Variants in SESTD1 observed in about 807,000 individuals in gnomAD.
SESTD1 encodes the protein SEC14 and spectrin domain containing 1.
A neutral mutation model predicts 101.7 loss-of-function variants in SESTD1; 43 were observed. The observed-to-expected ratio is 0.42, with a 90% confidence interval of 0.33 to 0.55. The LOEUF is 0.55. Ranked by LOEUF, SESTD1 falls within the 20% of genes least tolerant of loss-of-function variation. The pLI, the probability that SESTD1 is intolerant of heterozygous loss-of-function variation, is 0.07. For synonymous variants in SESTD1, 283 were observed against 286.8 expected (o/e 0.99, Z 0.13); for missense variants, 647 against 815.1 (o/e 0.79, Z 2.51).
rs184749889 is a variant in SESTD1 at position 179,105,713 on chromosome 2, T to C, written c.*4186A>G. The C allele has an allele frequency of 1.3e-5, 2 of 152,338 alleles. No individual in the cohort carries two copies. Among genetic ancestry groups the C allele is most frequent in the African/African-American group, 4.8e-5 (2 of 41,584 alleles). The allele number at this position is 152,338 out of a possible 1,614,324, so 9.4% of individuals were successfully genotyped here. On this transcript the variant is annotated 3_prime_UTR_variant, in exon 18 of 18. Coordinates refer to ENST00000428443, the MANE Select transcript of SESTD1 (RefSeq NM_178123.5). ...CTGGATATTTTGGCTTCAACAATTC[T>C]TTATATCATATTTTATTCTTGAAAT...
chr2:179,239,298 T>G (rs770474917), intron 1 of SESTD1, among the ~76,000 whole-genome samples: 2 of 152,174 alleles, frequency 1.3e-5, no homozygotes, highest in Non-Finnish European at 2.9e-5. Flanking sequence ...CTACAGAAAT[T>G]TAATTACTGC....
chr2:179,233,326 T>C (rs879717756), intron 1 of SESTD1, among the ~76,000 whole-genome samples: 3 of 152,202 alleles, frequency 2.0e-5, no homozygotes, highest in African/African-American at 4.8e-5. Flanking sequence ...GTAAATATAC[T>C]GTGAACAACA....
In SESTD1 at chr2:179,105,629, C is replaced by T. The variant is rs547504108; in HGVS notation, c.*4270G>A. On this transcript the variant is annotated 3_prime_UTR_variant, in exon 18 of 18. Coordinates refer to ENST00000428443, the MANE Select transcript of SESTD1 (RefSeq NM_178123.5). ...GAGACAACAGAAAGGATAAAGAATA[C>T]TCTATTTTTTATTCTGAAAAGATAA... 4 of 152,270 alleles carry T rather than the reference C, an allele frequency of 2.6e-5. No individual in the cohort carries two copies. The South Asian group carries it at 8.3e-4, about 32-fold the overall frequency. 9.4% of individuals were successfully genotyped at this position (152,270 alleles called of 1,614,324 possible).
At chr2:179,115,861 A>G (rs1225544012) in intron 15 of SESTD1, among the ~76,000 whole-genome samples, 2 of 152,192 alleles carry the variant, frequency 1.3e-5, no homozygotes, top group African/African-American at 4.8e-5. Flanking sequence ...CACTGGCCAG[A>G]AAGAATGTCT....
At chr2:179,164,636 G>A (rs2045802575) in intron 5 of SESTD1, among the ~76,000 whole-genome samples, 1 of 152,152 alleles carries the variant, frequency 6.6e-6, no homozygotes, top group African/African-American at 2.4e-5. Context: ...GTCAGAGATA[G>A]GAAGGATATA....
At chr2:179,220,996 T>C (rs1053302429) in intron 1 of SESTD1, among the ~76,000 whole-genome samples, 13 of 152,172 alleles carry the variant, frequency 8.5e-5, no homozygotes, top group African/African-American at 2.9e-4. Context: ...CAAATTAATT[T>C]TTAGTGCCCA....
intron 1 of SESTD1, among the ~76,000 whole-genome samples, chr2:179,233,974 T>A (rs1324062427): frequency 6.6e-6 from 1 of 152,198 alleles, no homozygotes; most frequent in East Asian, 1.9e-4. Flanking sequence ...TGTGTCCAGG[T>A]ATTTGGTTAA....
chr2:179,247,600 A>ATTTTTTT (rs67407067), intron 1 of SESTD1, among the ~76,000 whole-genome samples: 1 of 149,108 alleles, frequency 6.7e-6, no homozygotes. Flanking sequence ...AATTTGTTAA[A>ATTTTTTT]TTTTTTTTTT....
intron 1 of SESTD1, among the ~76,000 whole-genome samples, chr2:179,226,067 T>C (rs1452608519): frequency 6.6e-6 from 1 of 152,208 alleles, no homozygotes; most frequent in East Asian, 1.9e-4. Flanking sequence ...AAAAGGTCCA[T>C]AAAAATTTAG....
intron 13 of SESTD1, among the ~76,000 whole-genome samples, chr2:179,118,839 T>C (rs181975707): frequency 1.7e-3 from 258 of 152,248 alleles, no homozygotes; most frequent in South Asian, 0.016. Flanking sequence ...ATTTAAAATG[T>C]TTTATGAGAG....
At chr2:179,151,949 T>G (rs1021692541) in intron 5 of SESTD1, among the ~76,000 whole-genome samples, 1 of 152,058 alleles carries the variant, frequency 6.6e-6, no homozygotes, top group Non-Finnish European at 1.5e-5. Context: ...AACGTACATA[T>G]TAAAATGCTA....
At chr2:179,183,542 T>C (rs1418345956) in intron 2 of SESTD1, among the ~76,000 whole-genome samples, 1 of 152,044 alleles carries the variant, frequency 6.6e-6, no homozygotes, top group African/African-American at 2.4e-5. Flanking sequence ...CCAATCAACC[T>C]AGGAAGAAAA....
rs1559088807 is a variant in SESTD1 at position 179,103,898 on chromosome 2, T to C, written c.*6001A>G. On this transcript the variant is annotated 3_prime_UTR_variant, in exon 18 of 18. Coordinates refer to ENST00000428443, the MANE Select transcript of SESTD1 (RefSeq NM_178123.5). ...TAATTTTATGTAAAAAAGCCAACAA[T>C]GAACTCTAGTTAATGATATGCAATT... The C allele has an allele frequency of 6.6e-6, 1 of 152,132 alleles. No individual in the cohort carries two copies. Among genetic ancestry groups the C allele is most frequent in the Non-Finnish European group, 1.5e-5 (1 of 68,010 alleles). The allele number at this position is 152,132 out of a possible 1,614,324, so 9.4% of individuals were successfully genotyped here.
At chr2:179,149,258 G>T (rs1342206271) in intron 7 of SESTD1, 39 bp downstream of exon 7, 2 of 1,395,260 alleles carry the variant, frequency 1.4e-6, no homozygotes, top group Non-Finnish European at 2.0e-6. Flanking sequence ...AATAATTATA[G>T]TTTTGCAAGG....
chr2:179,244,222 C>G (rs2047196846), intron 1 of SESTD1, among the ~76,000 whole-genome samples: 1 of 151,946 alleles, frequency 6.6e-6, no homozygotes, highest in African/African-American at 2.4e-5. Context: ...TTTGTGAGGC[C>G]AAGGCAGGTG....
Position 179,197,656 on chromosome 2 carries a change from A to G in SESTD1, c.-25-5790T>C, listed in dbSNP as rs552684749. 1.6e-3 allele frequency among the ~76,000 whole-genome samples: 247 copies of G among 152,354 alleles called. 1 individual carries two copies. The highest frequency in any genetic ancestry group is 5.8e-3 in the African/African-American group (243 of 41,588). Reference sequence around the variant, plus strand: ...CAGAAGAGAGTGGGGGCCAATATTCAACATTCTTAAAGAAAAGAATTTTCA... The same window carrying G: ...CAGAAGAGAGTGGGGGCCAATATTCGACATTCTTAAAGAAAAGAATTTTCA... On this transcript the variant is annotated intron_variant, in intron 1 of 17. Coordinates refer to ENST00000428443, the MANE Select transcript of SESTD1 (RefSeq NM_178123.5).
chr2:179,152,451 G>C (rs1361986135), intron 5 of SESTD1, among the ~76,000 whole-genome samples: 1 of 152,116 alleles, frequency 6.6e-6, no homozygotes, highest in Non-Finnish European at 1.5e-5. Context: ...ATATGCTAAA[G>C]TATGAATTTT....
chr2:179,156,120 ATG>A (rs891638440), intron 5 of SESTD1, among the ~76,000 whole-genome samples: 28 of 151,504 alleles, frequency 1.8e-4, no homozygotes, highest in African/African-American at 5.3e-4. Flanking sequence ...ATATATATAT[ATG>A]TGTGTATATA....
At chr2:179,117,762 G>A in intron 13 of SESTD1, 149 bp from the exon 14 acceptor site, 2 of 531,134 alleles carry the variant, frequency 3.8e-6, no homozygotes. Context: ...TGATTTGTAA[G>A]AATTTTAGGG....
Sources: allele counts gnomAD v4.1 joint callset (sites outside exome capture counted in the v4.1 genomes callset), GRCh38; gene constraint gnomAD v4.1.1; transcripts MANE v1.5; gene names NCBI Gene and HGNC (gene_info 2026-07-23, HGNC 2026-07-21).